The following OGDHL variants were observed in gnomAD, a reference collection of about 807,000 sequenced individuals.
OGDHL encodes 2-oxoglutarate dehydrogenase-like, mitochondrial.
OGDHL carries 79 observed loss-of-function variants against 109.6 expected under a neutral mutation model. The observed-to-expected ratio is 0.72, with a 90% CI of 0.60 to 0.87. The LOEUF is 0.87. OGDHL is among the 40% of genes least tolerant of loss of function. The pLI is 0.00. For synonymous variants in OGDHL, 528 were observed against 537.2 expected (o/e 0.98, Z 0.24); for missense variants, 1,275 against 1,362.2 (o/e 0.94, Z 1.01).
intron 8 of OGDHL, among the ~76,000 whole-genome samples, chr10:49,749,276 G>A (rs919302522): frequency 6.6e-6 from 1 of 152,072 alleles, no homozygotes; most frequent in African/African-American, 2.4e-5. Context: ...CTCCCAGGGA[G>A]GGGGTGGGAG....
At position 49,739,649 on chromosome 10, in the gene OGDHL, C is replaced by T. The variant is rs762110511; in HGVS notation, c.2319+12G>A. 9.9e-6 allele frequency: 16 copies of T among 1,610,928 alleles called. No individual in the cohort carries two copies. The South Asian group carries it at 1.2e-4, about 12-fold the overall frequency. ...AACCCACCAAGCCACCAGCCACCAC[C>T]GCAGCCCTCACCATGCCTTCCATGC... is the stretch of plus-strand genomic sequence containing the variant. On this transcript the variant is annotated intron_variant, in intron 17 of 22. Coordinates refer to ENST00000374103, the MANE Select transcript of OGDHL (RefSeq NM_018245.3).
At chr10:49,745,777 G>A in intron 11 of OGDHL, 21 bp downstream of exon 11, 1 of 1,610,136 alleles carries the variant, frequency 6.2e-7, no homozygotes, top group Non-Finnish European at 8.5e-7. Context: ...CCCATGCCTT[G>A]GCCTCAGTCC....
chr10:49,738,896 C>T (rs532930978), intron 17 of OGDHL: 1 of 153,812 alleles, frequency 6.5e-6, no homozygotes, highest in South Asian at 2.1e-4. Flanking sequence ...AGGACCCAGC[C>T]CCCCACACCC....
intron 20 of OGDHL, among the ~76,000 whole-genome samples, chr10:49,737,476 CAAAT>C (rs1841283292): frequency 1.3e-5 from 2 of 152,164 alleles, no homozygotes; most frequent in African/African-American, 4.8e-5. Flanking sequence ...TTAAAATGGA[CAAAT>C]GAATGAATGA....
At chr10:49,760,093 A>C (rs1044694734) in intron 1 of OGDHL, among the ~76,000 whole-genome samples, 4 of 152,252 alleles carry the variant, frequency 2.6e-5, no homozygotes, top group Non-Finnish European at 5.9e-5. Flanking sequence ...AGCCAGAGGA[A>C]AGGGGTGATG....
At chr10:49,760,949 T>C (rs1843236330) in intron 1 of OGDHL, among the ~76,000 whole-genome samples, 1 of 152,242 alleles carries the variant, frequency 6.6e-6, no homozygotes, top group Admixed American at 6.5e-5. Context: ...GTGTCCAGAA[T>C]GGCCCGGTGC....
At chr10:49,737,914 G>A (rs1461706606) in intron 19 of OGDHL, 33 bp downstream of exon 19, 14 of 1,614,046 alleles carry the variant, frequency 8.7e-6, no homozygotes, top group African/African-American at 1.3e-5. Flanking sequence ...CAGGCCCCCT[G>A]CCTGTGACCC....
Position 49,735,141 on chromosome 10 carries a change from T to C in OGDHL, c.*87A>G. ...TCCTGGGGCCCCACAGCCCCTCTCC[T>C]GGGCAGGAGCTCCGCCCCTCCCCTT... is the stretch of plus-strand genomic sequence containing the variant. On this transcript the variant is annotated 3_prime_UTR_variant, in exon 23 of 23. Transcript: ENST00000374103. 6.5e-7 allele frequency: 1 copy of C among 1,537,628 alleles called. No individual in the cohort carries two copies. The highest frequency in any genetic ancestry group is 8.8e-7 in the Non-Finnish European group (1 of 1,140,016).
chr10:49,735,933 A>C (rs1841126372), intron 22 of OGDHL, 90 bp downstream of exon 22: 1 of 1,395,318 alleles, frequency 7.2e-7, no homozygotes, highest in Non-Finnish European at 9.5e-7. Context: ...GGGCAGGGCC[A>C]GTTCTGGGTA....
rs768408112 is a variant in OGDHL at position 49,747,107 on chromosome 10, G to C, written c.1089C>G (p.His363Gln). Residue 363 changes from histidine to glutamine, a missense_variant, in exon 9 of 23, where the codon CAC becomes CAG. Physicochemically the swap from His to Gln is conservative, Grantham distance 24. Transcript: ENST00000374103. Reference protein sequence around the residue: ...ITLSLVANPSHLEAVDPVVQG... With the variant: ...ITLSLVANPSQLEAVDPVVQG... Reference sequence around the variant, plus strand: ...GCACCACAGGGTCCACTGCCTCCAGGTGGGAGGGGTTGGCAACCAGCGACA... The same window carrying C: ...GCACCACAGGGTCCACTGCCTCCAGCTGGGAGGGGTTGGCAACCAGCGACA... The C allele has an allele frequency of 6.2e-7, 1 of 1,614,176 alleles. No individual in the cohort carries two copies. The highest frequency in any genetic ancestry group is 1.1e-5 in the South Asian group (1 of 91,082).
rs1241910272 is a variant in OGDHL at position 49,735,205 on chromosome 10, A to C, written c.*23T>G. The C allele has an allele frequency of 1.0e-5, 16 of 1,604,698 alleles. No individual in the cohort carries two copies. The highest frequency in any genetic ancestry group is 1.3e-5 in the Non-Finnish European group (15 of 1,175,520). The stretch of plus-strand genomic sequence containing the variant: ...TGGTCCCCAGCAAACCCACAGCGAG[A>C]CCTACACAGGTTTTGCCCAGCTCTA... On this transcript the variant is annotated 3_prime_UTR_variant, in exon 23 of 23. Coordinates refer to ENST00000374103, the MANE Select transcript of OGDHL (RefSeq NM_018245.3).
In OGDHL at chr10:49,744,522, CAG is replaced by C. The variant is rs1842034048; in HGVS notation, c.1732+126_1732+127del. 6 of 718,594 alleles carry C rather than the reference CAG, an allele frequency of 8.3e-6. No homozygotes were observed. In the South Asian group the frequency reaches 1.1e-4, roughly 13 times the overall value. The allele number at this position is 718,594 out of a possible 1,614,324, so 44.5% of individuals were successfully genotyped here. A position where few individuals can be genotyped will look rare whatever the true frequency, so the allele number is the denominator to read the frequency against. ...TCGGCCCCACGCAGCTTTGGGGACT[CAG>C]TGATAGAGCCTGCAGCCTCTAGACT... On this transcript the variant is annotated intron_variant, in intron 13 of 22. Coordinates refer to ENST00000374103, the MANE Select transcript of OGDHL (RefSeq NM_018245.3).
chr10:49,742,386 A>C (rs1459352693), intron 15 of OGDHL, among the ~76,000 whole-genome samples: 1 of 908 alleles, frequency 1.1e-3, no homozygotes, highest in African/African-American at 2.6e-3. Context: ...AATACACACC[A>C]CACCCCCACA....
At chr10:49,737,657 G>T in intron 20 of OGDHL, 129 bp downstream of exon 20, 1 of 979,742 alleles carries the variant, frequency 1.0e-6, no homozygotes, top group Non-Finnish European at 1.6e-6. Context: ...GTGGGACCAT[G>T]CCAGGAGCTG....
Position 49,742,875 on chromosome 10 carries a change from G to A in OGDHL, c.1965C>T (p.Gly655=). The A allele has an allele frequency of 6.2e-7, 1 of 1,613,966 alleles. No individual in the cohort carries two copies. ...YMAFGSLLKE[G]IHVRLSGQDV... ...CCTGCCCGCTGAGCCGCACGTGGATGCCTTCCTTCAGCAGGGAGCCAAAGG... is the reference window on the plus strand; with the variant it reads ...CCTGCCCGCTGAGCCGCACGTGGATACCTTCCTTCAGCAGGGAGCCAAAGG... The change falls in exon 15 of 23, where the codon GGC becomes GGT. Residue 655 remains glycine, a synonymous_variant. Coordinates refer to ENST00000374103, the MANE Select transcript of OGDHL (RefSeq NM_018245.3).
At chr10:49,745,539 TGTG>T (rs774944968) in intron 11 of OGDHL, 43 bp from the exon 12 acceptor site, 1 of 1,608,620 alleles carries the variant, frequency 6.2e-7, no homozygotes, top group Non-Finnish European at 8.5e-7. Context: ...CCCTACGCTG[TGTG>T]GTCAATGTAG....
chr10:49,735,758 C>T (rs1012468806), intron 22 of OGDHL, among the ~76,000 whole-genome samples: 9 of 152,214 alleles, frequency 5.9e-5, no homozygotes, highest in Non-Finnish European at 5.9e-5. Context: ...TTATCACCGC[C>T]CTTTGTAGAG....
At chr10:49,744,824 C>A (rs1842058763) in intron 12 of OGDHL, 72 bp from the exon 13 acceptor site, 1 of 1,229,036 alleles carries the variant, frequency 8.1e-7, no homozygotes, top group South Asian at 1.2e-5. Flanking sequence ...CACTTGGACT[C>A]GTAAGTCCTG....
intron 15 of OGDHL, among the ~76,000 whole-genome samples, chr10:49,742,003 TACCAC>T (rs1180874309): frequency 5.5e-5 from 7 of 127,604 alleles, no homozygotes; most frequent in South Asian, 2.6e-4. Flanking sequence ...ACCCCACAAA[TACCAC>T]ACCACACATG....
Sources: gnomAD v4.1 joint callset for allele counts (sites outside exome capture counted in the v4.1 genomes callset) on GRCh38, gnomAD v4.1.1 for gene constraint, MANE v1.5 for transcripts, NCBI Gene and HGNC (gene_info 2026-07-23, HGNC 2026-07-21) for gene names.